The following EIF4A1 variants were observed in gnomAD, a reference collection of about 807,000 sequenced individuals.
The protein encoded by EIF4A1 is eukaryotic initiation factor 4A-I.
A neutral mutation model predicts 53.5 loss-of-function variants in EIF4A1; 11 were observed. That is an observed-to-expected ratio of 0.21 (90% CI 0.13 to 0.34). The LOEUF (loss-of-function observed/expected upper bound fraction) is 0.34, where lower values mean the gene tolerates loss of function less well. Ranked by LOEUF, EIF4A1 falls within the 10% of genes least tolerant of loss-of-function variation. The pLI is 1.00. For synonymous variants in EIF4A1, 237 were observed against 186.7 expected (o/e 1.27, Z -2.20); for missense variants, 213 against 530.8 (o/e 0.40, Z 5.88).
chr17:7,575,103 T>C lies in EIF4A1; in HGVS notation c.206-16T>C, dbSNP rs1567733735. On this transcript the variant is annotated splice_polypyrimidine_tract_variant and intron_variant, in intron 3 of 10. Coordinates refer to ENST00000293831, the MANE Select transcript of EIF4A1 (RefSeq NM_001416.4). ...TATGCTCTTTACCACATTCAACTCC[T>C]AATTTATTTGTTTAGGTTATGATGT... 6.2e-7 allele frequency: 1 copy of C among 1,611,402 alleles called. No individual in the cohort carries two copies. Among genetic ancestry groups the C allele is most frequent in the Non-Finnish European group, 8.5e-7 (1 of 1,179,404 alleles).
chr17:7,574,076 A>G (rs2071366050), intron 1 of EIF4A1, 184 bp from the exon 2 acceptor site: 1 of 660,860 alleles, frequency 1.5e-6, no homozygotes, highest in Non-Finnish European at 2.6e-6. Context: ...CGCTGCCTGC[A>G]TGGGGCAAAT....
At position 7,574,539 on chromosome 17, in the gene EIF4A1, C is replaced by A. The variant is rs1009462973; in HGVS notation, c.73-7C>A. Reference sequence around the variant, plus strand: ...GACTCAAGCTTTAATTTCTTTGCATCCCCTAGAGTAACTGGAATGAGATTG... The same window carrying A: ...GACTCAAGCTTTAATTTCTTTGCATACCCTAGAGTAACTGGAATGAGATTG... On this transcript the variant is annotated splice_region_variant and splice_polypyrimidine_tract_variant and intron_variant, in intron 2 of 10. Coordinates refer to ENST00000293831, the MANE Select transcript of EIF4A1 (RefSeq NM_001416.4). The A allele has an allele frequency of 2.5e-6, 4 of 1,612,854 alleles. No homozygotes were observed.
chr17:7,573,140 A>T, intron 1 of EIF4A1: 1 of 587,932 alleles, frequency 1.7e-6, no homozygotes, highest in Non-Finnish European at 3.0e-6. Flanking sequence ...CCCGGCGCTG[A>T]GTGGCGAGAC....
chr17:7,576,921 G>A, intron 5 of EIF4A1, 135 bp from the exon 6 acceptor site: 1 of 1,350,184 alleles, frequency 7.4e-7, no homozygotes, highest in South Asian at 1.2e-5. Context: ...GGAAGGTCCT[G>A]GGCAAAGGAT....
rs951983656 is a variant in EIF4A1 at position 7,578,765 on chromosome 17, C to T, written c.*279C>T. ...GTAACCTCCAGATCCCAGAGGCTCT[C>T]CTCACCTCAGCTGAGCTCCTTTGAA... On this transcript the variant is annotated 3_prime_UTR_variant, in exon 11 of 11. Transcript: ENST00000293831. 7.8e-6 allele frequency: 2 copies of T among 255,312 alleles called. No homozygotes were observed. Among genetic ancestry groups the T allele is most frequent in the Admixed American group, 4.9e-5 (1 of 20,438 alleles). The allele number at this position is 255,312 out of a possible 1,614,324, so 15.8% of individuals were successfully genotyped here.
Position 7,578,326 on chromosome 17 carries a change from C to T in EIF4A1, c.1077-16C>T, listed in dbSNP as rs1284704038. The T allele has an allele frequency of 2.5e-6, 4 of 1,612,732 alleles. No homozygotes were observed. Among genetic ancestry groups the T allele is most frequent in the African/African-American group, 1.3e-5 (1 of 74,862 alleles). ...TAAAGCTCCTGATATTCCTCATCCC[C>T]TTCCTTGTTTTCCAGAATCGGTCGA... is the stretch of plus-strand genomic sequence containing the variant. On this transcript the variant is annotated splice_polypyrimidine_tract_variant and intron_variant, in intron 10 of 10. Transcript: ENST00000293831.
At chr17:7,574,008 T>C (rs2071365113) in intron 1 of EIF4A1, 1 of 516,668 alleles carries the variant, frequency 1.9e-6, no homozygotes, top group East Asian at 3.3e-5. Context: ...GCGGCACGCC[T>C]GCCGGCCTGT....
intron 1 of EIF4A1, 35 bp from the exon 2 acceptor site, chr17:7,574,225 G>A (rs1013262724): frequency 6.2e-7 from 1 of 1,613,318 alleles, no homozygotes. Flanking sequence ...TGCTTCGGTC[G>A]GGCAGGGGAC....
intron 3 of EIF4A1, 193 bp downstream of exon 3, chr17:7,574,871 G>A: frequency 9.0e-7 from 1 of 1,106,620 alleles, no homozygotes. Flanking sequence ...AGGTGGTATT[G>A]TAGCCAGCTT....
chr17:7,574,182 T>C, intron 1 of EIF4A1, 78 bp from the exon 2 acceptor site: 2 of 1,577,404 alleles, frequency 1.3e-6, no homozygotes, highest in South Asian at 2.2e-5. Flanking sequence ...TGCAGGCCAC[T>C]CCTGACAGAG....
chr17:7,573,946 C>T (rs1310809202), intron 1 of EIF4A1: 1 of 372,016 alleles, frequency 2.7e-6, no homozygotes, highest in Non-Finnish European at 5.0e-6. Flanking sequence ...GCGGCTGGGT[C>T]GGGCCCACGT....
At chr17:7,575,718 A>G (rs755477127) in intron 4 of EIF4A1, 1 of 287,480 alleles carries the variant, frequency 3.5e-6, no homozygotes, top group South Asian at 3.4e-5. Context: ...GTTCTGTGGC[A>G]GGGGCAGTGA....
Position 7,577,795 on chromosome 17 carries a change from C to T in EIF4A1, c.907-32C>T, listed in dbSNP as rs911798047. ...GGGTTCCTGGAACCCAGGTGCCTAC[C>T]TGGTCTGCTGCATATTTGTTTTCTC... On this transcript the variant is annotated intron_variant, in intron 8 of 10. Transcript: ENST00000293831. This position sits in a 1 kb window ranked among gnomAD's most constrained non-coding sequence, Gnocchi z 4.7. 1.3e-5 allele frequency: 21 copies of T among 1,614,116 alleles called. No homozygotes were observed. The highest frequency in any genetic ancestry group is 1.6e-5 in the Non-Finnish European group (19 of 1,180,020).
rs2071348104 is a variant in EIF4A1 at position 7,573,208 on chromosome 17, C to T, written c.23+344C>T. ...GAGGCGGCCGCCACTATGTGTGGCC[C>T]AGAGCCGGCAGGTCCGGTTGCCTCC... On this transcript the variant is annotated intron_variant, in intron 1 of 10. Coordinates refer to ENST00000293831, the MANE Select transcript of EIF4A1 (RefSeq NM_001416.4). The T allele has an allele frequency of 1.5e-5, 7 of 464,976 alleles. No homozygotes were observed. In the East Asian group the frequency reaches 2.4e-4, roughly 16 times the overall value. 28.8% of individuals were successfully genotyped at this position (464,976 alleles called of 1,614,324 possible).
intron 1 of EIF4A1, 113 bp downstream of exon 1, chr17:7,572,977 G>A: frequency 6.3e-7 from 1 of 1,592,732 alleles, no homozygotes; most frequent in South Asian, 1.1e-5. Flanking sequence ...ACCGAACCGG[G>A]TGGGGGGAGG....
At chr17:7,574,449 G>A (rs2071372885) in intron 2 of EIF4A1, 97 bp from the exon 3 acceptor site, 1 of 1,601,290 alleles carries the variant, frequency 6.2e-7, no homozygotes, top group Non-Finnish European at 8.5e-7. Context: ...AAGCTCTGAG[G>A]CTTTTGTTAG....
chr17:7,574,486 G>C lies in EIF4A1; in HGVS notation c.73-60G>C. The C allele has an allele frequency of 1.9e-6, 3 of 1,607,620 alleles. No individual in the cohort carries two copies. In the South Asian group the frequency reaches 3.3e-5, roughly 18 times the overall value. On this transcript the variant is annotated intron_variant, in intron 2 of 10. Transcript: ENST00000293831. ...AGGCACCAGATTCTGTTTGCTCGGA[G>C]ACTACAGCTCAGCTCCACCTTTTCC...
intron 5 of EIF4A1, 92 bp from the exon 6 acceptor site, chr17:7,576,964 C>A: frequency 6.8e-7 from 1 of 1,480,862 alleles, no homozygotes; most frequent in Non-Finnish European, 9.4e-7. Context: ...GACTACTTGG[C>A]TCCTCTCTGT....
Position 7,577,867 on chromosome 17 carries a change from G to A in EIF4A1, c.947G>A (p.Arg316Lys). 1 of 1,614,172 alleles carries A rather than the reference G, an allele frequency of 6.2e-7. No individual in the cohort carries two copies. The highest frequency in any genetic ancestry group is 1.1e-5 in the South Asian group (1 of 91,074). ...CAAAAGGAACGAGACGTGATTATGA[G>A]GGAGTTTCGTTCTGGCTCTAGCAGA... ...MDQKERDVIM[R>K]EFRSGSSRVL... is the part of the protein sequence containing the mutation. Residue 316 changes from arginine to lysine, a missense_variant, in exon 9 of 11, where the codon AGG (arginine) becomes AAG (lysine). Physicochemically the swap from Arg to Lys is conservative, Grantham distance 26. This residue lies in a region of EIF4A1 where 13 missense variants were observed against 103.3 expected (regional missense o/e 0.13). Coordinates refer to ENST00000293831, the MANE Select transcript of EIF4A1 (RefSeq NM_001416.4). The surrounding 1 kb of genome is among the most constrained non-coding windows in gnomAD (Gnocchi z 4.7).
Sources: allele counts gnomAD v4.1 joint callset, GRCh38; gene constraint gnomAD v4.1.1; regional missense constraint gnomAD v4.1.1; non-coding constraint Gnocchi (gnomAD v3.1); transcripts MANE v1.5; gene names NCBI Gene and HGNC (gene_info 2026-07-23, HGNC 2026-07-21).